SEPTIN11: variants seen among roughly 807,000 people sequenced by gnomAD.
SEPTIN11 encodes the protein septin 11.
A neutral mutation model predicts 51.4 loss-of-function variants in SEPTIN11; 25 were observed. That is an observed-to-expected ratio of 0.49 (90% confidence interval 0.35 to 0.68). The LOEUF is 0.68. Ranked by LOEUF, SEPTIN11 falls within the 30% of genes least tolerant of loss-of-function variation. The probability of loss-of-function intolerance (pLI) is 0.00; values close to 1 mark genes in which losing one functional copy is unlikely to be tolerated. For synonymous variants in SEPTIN11, 174 were observed against 184.1 expected (o/e 0.95, Z 0.44); for missense variants, 381 against 520.8 (o/e 0.73, Z 2.61).
chr4:76,963,826 T>C (rs1453681525), intron 1 of SEPTIN11, among the ~76,000 whole-genome samples: 2 of 152,226 alleles, frequency 1.3e-5, no homozygotes, highest in African/African-American at 4.8e-5. Context: ...TATTATACTT[T>C]AAGTTCTAGG....
At chr4:76,965,631 C>T (rs1362803585) in intron 1 of SEPTIN11, among the ~76,000 whole-genome samples, 1 of 151,842 alleles carries the variant, frequency 6.6e-6, no homozygotes, top group African/African-American at 2.4e-5. Context: ...GTATCAAGTA[C>T]ATTTTAGTCA....
At chr4:77,026,688 ATTGT>A (rs1480283382) in intron 7 of SEPTIN11, among the ~76,000 whole-genome samples, 1 of 152,180 alleles carries the variant, frequency 6.6e-6, no homozygotes, top group Non-Finnish European at 1.5e-5. Flanking sequence ...CAAAGTTTCC[ATTGT>A]TTGTTAGAAA....
At chr4:76,953,454 G>A (rs913969391) in intron 1 of SEPTIN11, among the ~76,000 whole-genome samples, 7 of 152,164 alleles carry the variant, frequency 4.6e-5, no homozygotes, top group African/African-American at 9.7e-5. Context: ...AAAGATGAGG[G>A]CAGGGAGTGT....
intron 5 of SEPTIN11, among the ~76,000 whole-genome samples, chr4:77,018,233 A>G (rs6823784): frequency 0.12 from 17,572 of 152,016 alleles, 1,111 homozygotes; most frequent in Middle Eastern, 0.21. Context: ...GGCGGATCAC[A>G]AGGTCAGGAG....
chr4:76,989,684 G>A (rs1578148493), intron 1 of SEPTIN11, among the ~76,000 whole-genome samples: 1 of 152,118 alleles, frequency 6.6e-6, no homozygotes, highest in African/African-American at 2.4e-5. Flanking sequence ...CCGTGGTTCT[G>A]TAAGATTATA....
chr4:77,039,454 G>A (rs2109996034), downstream of SEPTIN11: 27 of 1,013,030 alleles, frequency 2.7e-5, no homozygotes, highest in Middle Eastern at 5.0e-4. Flanking sequence ...TGAAGACAGC[G>A]TGTACCCTAA....
intron 1 of SEPTIN11, among the ~76,000 whole-genome samples, chr4:76,970,409 G>T (rs935503620): frequency 1.3e-5 from 2 of 152,190 alleles, no homozygotes; most frequent in African/African-American, 4.8e-5. Context: ...ACAGGCTCAG[G>T]TCTCTTGCTA....
intron 1 of SEPTIN11, among the ~76,000 whole-genome samples, chr4:76,954,979 ATTTAT>A (rs1043096047): frequency 2.6e-5 from 1 of 38,018 alleles, no homozygotes; most frequent in African/African-American, 1.6e-4. Flanking sequence ...TTATTTATTT[ATTTAT>A]TTTTTTTTGC....
At chr4:76,960,264 G>A (rs1721771453) in intron 1 of SEPTIN11, among the ~76,000 whole-genome samples, 1 of 152,178 alleles carries the variant, frequency 6.6e-6, no homozygotes, top group South Asian at 2.1e-4. Flanking sequence ...TTTGTCACAT[G>A]CCTCTTTGTT....
chr4:76,965,063 C>G (rs1048664327), intron 1 of SEPTIN11, among the ~76,000 whole-genome samples: 3 of 152,060 alleles, frequency 2.0e-5, no homozygotes, highest in Admixed American at 6.5e-5. Flanking sequence ...TTCTTATGAC[C>G]TCTTTGAGAG....
In SEPTIN11 at chr4:77,035,344, A is replaced by G. The variant is rs574517230; in HGVS notation, c.*832A>G. On this transcript the variant is annotated 3_prime_UTR_variant, in exon 10 of 10. Coordinates refer to ENST00000264893, the MANE Select transcript of SEPTIN11 (RefSeq NM_018243.4). ...GCCTGCTTACCACTAACAGTAAGGA[A>G]TCTTTCATAAACACACCTCAGTTTG... is the stretch of plus-strand genomic sequence containing the variant. The G allele has an allele frequency of 2.0e-6, 2 of 985,334 alleles. No individual in the cohort carries two copies. The highest frequency in any genetic ancestry group is 5.2e-4 in the Middle Eastern group (1 of 1,936). 61.0% of individuals were successfully genotyped at this position (985,334 alleles called of 1,614,324 possible).
intron 1 of SEPTIN11, among the ~76,000 whole-genome samples, chr4:76,981,221 C>T (rs1207327670): frequency 6.6e-6 from 1 of 152,002 alleles, no homozygotes; most frequent in Non-Finnish European, 1.5e-5. Flanking sequence ...CTACTTGGGC[C>T]CTACTTGATT....
downstream of SEPTIN11, chr4:77,039,125 C>G: frequency 7.8e-7 from 1 of 1,289,082 alleles, no homozygotes; most frequent in Non-Finnish European, 1.0e-6. Context: ...TCCTAATGGA[C>G]ATAGAGCATT....
chr4:77,032,948 A>G (rs1190240322), intron 9 of SEPTIN11, among the ~76,000 whole-genome samples: 1 of 152,186 alleles, frequency 6.6e-6, no homozygotes, highest in Non-Finnish European at 1.5e-5. Flanking sequence ...CAAAGTTTCT[A>G]TGAAGCCTGT....
chr4:76,966,946 C>T (rs1421346102), intron 1 of SEPTIN11, among the ~76,000 whole-genome samples: 1 of 152,078 alleles, frequency 6.6e-6, no homozygotes, highest in Non-Finnish European at 1.5e-5. Context: ...CCTGTAATCC[C>T]AGCACTTTGG....
intron 8 of SEPTIN11, among the ~76,000 whole-genome samples, chr4:77,029,751 T>C (rs1339114097): frequency 6.6e-6 from 1 of 151,126 alleles, no homozygotes; most frequent in Non-Finnish European, 1.5e-5. Flanking sequence ...TAATACATAA[T>C]GCATATATAT....
downstream of SEPTIN11, chr4:77,039,575 C>G: frequency 1.0e-6 from 1 of 985,274 alleles, no homozygotes; most frequent in Non-Finnish European, 1.2e-6. Context: ...CCTCAACCGT[C>G]AGGTCATAAG....
At chr4:76,960,357 CTG>C (rs1237374766) in intron 1 of SEPTIN11, among the ~76,000 whole-genome samples, 1 of 152,194 alleles carries the variant, frequency 6.6e-6, no homozygotes, top group African/African-American at 2.4e-5. Context: ...AGTTTTCTCT[CTG>C]AGCCCTCTAA....
intron 1 of SEPTIN11, among the ~76,000 whole-genome samples, chr4:76,969,993 T>C (rs1408973112): frequency 2.0e-5 from 3 of 152,304 alleles, no homozygotes; most frequent in South Asian, 2.1e-4. Flanking sequence ...TGCCCTTCCA[T>C]ACTTCTGTTC....
Sources: gnomAD v4.1 joint callset for allele counts (sites outside exome capture counted in the v4.1 genomes callset) on GRCh38, gnomAD v4.1.1 for gene constraint, MANE v1.5 for transcripts, NCBI Gene and HGNC (gene_info 2026-07-23, HGNC 2026-07-21) for gene names.